The following SNURF variants were observed in gnomAD, a reference collection of about 807,000 sequenced individuals.
SNURF encodes SNRPN upstream open reading frame.
In SNURF, 6 loss-of-function variants were observed where a neutral mutation model predicts 11.6. The ratio of observed to expected loss-of-function variants is 0.52; its 90% confidence interval spans 0.28 to 1.02. The LOEUF (loss-of-function observed/expected upper bound fraction) is 1.02. Among genes scored for constraint, SNURF ranks in the 50% least tolerant of loss-of-function variants. SNURF has a pLI of 0.09. For missense variants in SNURF, 84 were observed against 88.4 expected (o/e 0.95, Z 0.20); for synonymous variants, 29 against 31.6 (o/e 0.92, Z 0.27).
chr15:24,964,814 T>G (rs574266204), intron 2 of SNURF, among the ~76,000 whole-genome samples: 11 of 152,338 alleles, frequency 7.2e-5, no homozygotes, highest in Admixed American at 6.5e-4. Context: ...ACAGGTAGTC[T>G]CATCCTCATC....
chr15:24,974,269 A>G (rs931643677), intron 3 of SNURF: 4 of 610,998 alleles, frequency 6.5e-6, no homozygotes, highest in African/African-American at 1.9e-5. Context: ...GTTTTAAAAC[A>G]TGGTAGATTG....
exon 4 of SNURF, chr15:24,975,414 C>G: frequency 6.2e-7 from 1 of 1,612,758 alleles, no homozygotes. Flanking sequence ...TGAGATGTAT[C>G]CTGCAAGATG....
At chr15:24,975,774 T>C (rs1162892716) in intron 4 of SNURF, among the ~76,000 whole-genome samples, 2 of 152,150 alleles carry the variant, frequency 1.3e-5, no homozygotes, top group Non-Finnish European at 2.9e-5. Context: ...ATTTTTAAAA[T>C]TGAGAAAAAT....
At position 24,976,437 on chromosome 15, in the gene SNURF, G is replaced by T. The variant is rs145015966; in HGVS notation, c.*309+21G>T. On this transcript the variant is annotated intron_variant and NMD_transcript_variant, in intron 5 of 6. Transcript: ENST00000580062. The stretch of plus-strand genomic sequence containing the variant: ...AAGATGTAAGGAAGATGTAGGGCAG[G>T]ACAGAACTTTAATTTGCAGGGACAT... 2,323 of 1,501,790 alleles carry T rather than the reference G, an allele frequency of 1.5e-3. 1 individual carries two copies. The highest frequency in any genetic ancestry group is 1.9e-3 in the Non-Finnish European group (2,074 of 1,084,702). 93.0% of individuals were successfully genotyped at this position (1,501,790 alleles called of 1,614,324 possible). A position where few individuals can be genotyped will look rare whatever the true frequency, so the allele number is the denominator to read the frequency against.
At chr15:24,957,085 C>CTT (rs535210778) in intron 1 of SNURF, among the ~76,000 whole-genome samples, 1 of 152,004 alleles carries the variant, frequency 6.6e-6, no homozygotes, top group African/African-American at 2.4e-5. Flanking sequence ...TTGTTAACCC[C>CTT]TTTTTTTTAA....
At chr15:24,977,885 C>A (rs1489705156), downstream of SNURF, 2 of 1,590,840 alleles carry the variant, frequency 1.3e-6, no homozygotes, top group Non-Finnish European at 1.7e-6. Context: ...GCACTCCGCC[C>A]CCACCCGTCG....
chr15:24,962,296 T>G, intron 2 of SNURF, 87 bp downstream of exon 2: 2 of 1,031,912 alleles, frequency 1.9e-6, no homozygotes, highest in Non-Finnish European at 1.5e-6. Flanking sequence ...GGGATTAAAA[T>G]GAACATAATT....
At position 24,976,460 on chromosome 15, in the gene SNURF, C is replaced by T. The variant is rs574190249; in HGVS notation, c.*309+44C>T. ...AGGACAGAACTTTAATTTGCAGGGA[C>T]ATCATATTATGTGAGATGTCTGAAA... On this transcript the variant is annotated intron_variant and NMD_transcript_variant, in intron 5 of 6. Coordinates refer to the SNURF transcript ENST00000580062. 75 of 1,278,646 alleles carry T rather than the reference C, an allele frequency of 5.9e-5. No individual in the cohort carries two copies. In the East Asian group the frequency reaches 1.7e-3, roughly 29 times the overall value. The allele number at this position is 1,278,646 out of a possible 1,614,324, so 79.2% of individuals were successfully genotyped here.
chr15:24,973,297 C>G (rs1297342609), downstream of SNURF, among the ~76,000 whole-genome samples: 1 of 152,180 alleles, frequency 6.6e-6, no homozygotes, highest in Non-Finnish European at 1.5e-5. Flanking sequence ...GTATAGTAGA[C>G]TCTGTGTATC....
chr15:24,978,047 A>G (rs2077265165), downstream of SNURF: 1 of 1,193,124 alleles, frequency 8.4e-7, no homozygotes, highest in South Asian at 1.5e-5. Context: ...GTTTTTAATG[A>G]AAGACATAGA....
chr15:24,965,888 C>T (rs1357650496), intron 2 of SNURF, among the ~76,000 whole-genome samples: 3 of 151,854 alleles, frequency 2.0e-5, no homozygotes, highest in African/African-American at 4.8e-5. Context: ...TTTACTGAAA[C>T]ACTTTTTAGA....
rs538752202 is a variant in SNURF at position 24,977,259 on chromosome 15, T to A, written c.*462+230T>A. 9.9e-5 allele frequency among the ~76,000 whole-genome samples: 15 copies of A among 152,220 alleles called. No homozygotes were observed. The East Asian group carries it at 2.7e-3, about 27-fold the overall frequency. On this transcript the variant is annotated intron_variant and NMD_transcript_variant, in intron 6 of 6. Coordinates refer to the SNURF transcript ENST00000580062. ...CTTGGCAAGAGTAACTTGCCACTAG[T>A]GGTGAGTGAACAGAATGCATGGATA...
chr15:24,957,219 G>C (rs1437522608), intron 1 of SNURF, among the ~76,000 whole-genome samples: 1 of 152,092 alleles, frequency 6.6e-6, no homozygotes, highest in Admixed American at 6.6e-5. Flanking sequence ...TAAATGGGTT[G>C]GGGGAGAGGA....
At chr15:24,965,747 G>T (rs2075527233) in intron 2 of SNURF, among the ~76,000 whole-genome samples, 1 of 152,082 alleles carries the variant, frequency 6.6e-6, no homozygotes, top group Admixed American at 6.5e-5. Context: ...TGCACTCTAT[G>T]AATTAAATTC....
Position 24,955,778 on chromosome 15 carries a change from G to A in SNURF, c.14+716G>A, listed in dbSNP as rs529019153. ...CGACAGTGGGTATTGGCGGCGGTGGGCATTGGCAGCGGGTAGGCATGGCGG... is the reference window on the plus strand; with the variant it reads ...CGACAGTGGGTATTGGCGGCGGTGGACATTGGCAGCGGGTAGGCATGGCGG... On this transcript the variant is annotated intron_variant, in intron 1 of 2. Coordinates refer to ENST00000577949, the Ensembl canonical transcript of SNURF. Among the ~76,000 whole-genome samples, 126 of 151,790 alleles carry A rather than the reference G, an allele frequency of 8.3e-4. 1 individual carries two copies. The highest frequency in any genetic ancestry group is 2.8e-3 in the African/African-American group (117 of 41,360).
At chr15:24,964,797 C>G (rs1486534458) in intron 2 of SNURF, among the ~76,000 whole-genome samples, 4 of 152,076 alleles carry the variant, frequency 2.6e-5, no homozygotes, top group Admixed American at 6.6e-5. Context: ...TCAGTGTGGA[C>G]TAAATAACAG....
At chr15:24,960,006 T>TA (rs2153451657) in intron 1 of SNURF, among the ~76,000 whole-genome samples, 1 of 152,306 alleles carries the variant, frequency 6.6e-6, no homozygotes, top group Non-Finnish European at 1.5e-5. Flanking sequence ...GGCTCATGCC[T>TA]GTAATCCCAG....
At chr15:24,959,402 G>A (rs891559038) in intron 1 of SNURF, among the ~76,000 whole-genome samples, 2 of 152,100 alleles carry the variant, frequency 1.3e-5, no homozygotes, top group African/African-American at 4.8e-5. Context: ...CAAGGCAGAA[G>A]GATCACTGGA....
chr15:24,976,330 C>T (rs774128917), exon 5 of SNURF: 1 of 1,613,440 alleles, frequency 6.2e-7, no homozygotes, highest in Non-Finnish European at 8.5e-7. Context: ...GCAACCAGAG[C>T]GTGAAGAAAA....
Sources: allele counts gnomAD v4.1 joint callset (sites outside exome capture counted in the v4.1 genomes callset), GRCh38; gene constraint gnomAD v4.1.1; transcripts MANE v1.5; gene names NCBI Gene and HGNC (gene_info 2026-07-23, HGNC 2026-07-21).